Variants in PLXDC2 observed in about 807,000 individuals in gnomAD.
PLXDC2 encodes plexin domain-containing protein 2.
PLXDC2 carries 40 observed loss-of-function variants against 68.9 expected under a neutral mutation model. The observed-to-expected ratio is 0.58, with a 90% CI of 0.45 to 0.76. PLXDC2 has a LOEUF of 0.76. PLXDC2 is among the 30% of genes least tolerant of loss of function. The pLI, the probability that PLXDC2 is intolerant of heterozygous loss-of-function variation, is 0.00. For missense variants in PLXDC2, 644 were observed against 661.9 expected, an observed-to-expected ratio of 0.97 and a Z score of 0.30; for synonymous variants, 243 against 234.2, an observed-to-expected ratio of 1.04 and a Z score of -0.34.
At chr10:20,202,620 A>G (rs1472937169) in intron 9 of PLXDC2, among the ~76,000 whole-genome samples, 1 of 152,180 alleles carries the variant, frequency 6.6e-6, no homozygotes, top group Non-Finnish European at 1.5e-5. Context: ...AGCATCACTT[A>G]AGAAGTTACA....
At chr10:19,866,054 A>T (rs1837409408) in intron 1 of PLXDC2, among the ~76,000 whole-genome samples, 1 of 152,230 alleles carries the variant, frequency 6.6e-6, no homozygotes, top group Admixed American at 6.5e-5. Flanking sequence ...GATACATTGC[A>T]AAAAAATTAT....
At chr10:20,270,665 C>A (rs1835926469) in intron 13 of PLXDC2, among the ~76,000 whole-genome samples, 1 of 152,020 alleles carries the variant, frequency 6.6e-6, no homozygotes, top group African/African-American at 2.4e-5. Context: ...CTGCCTCAAA[C>A]TCCCAATTAG....
intron 1 of PLXDC2, among the ~76,000 whole-genome samples, chr10:19,972,503 T>C (rs1264908184): frequency 6.6e-6 from 1 of 152,194 alleles, no homozygotes; most frequent in Admixed American, 6.5e-5. Flanking sequence ...CTGTGTTCAC[T>C]ACCTGGGTGA....
At chr10:20,119,714 G>A (rs1047080446) in intron 4 of PLXDC2, among the ~76,000 whole-genome samples, 1 of 152,124 alleles carries the variant, frequency 6.6e-6, no homozygotes, top group Non-Finnish European at 1.5e-5. Context: ...TGTTTCTCAG[G>A]GCTGCTTCGA....
intron 1 of PLXDC2, among the ~76,000 whole-genome samples, chr10:19,861,096 A>G (rs1013294964): frequency 2.7e-5 from 4 of 150,146 alleles, no homozygotes; most frequent in African/African-American, 9.8e-5. Context: ...GTACAGTGGC[A>G]TGATCTCGGC....
At chr10:19,817,294 C>A in intron 1 of PLXDC2, 103 bp downstream of exon 1, 1 of 934,432 alleles carries the variant, frequency 1.1e-6, no homozygotes, top group Non-Finnish European at 1.6e-6. Flanking sequence ...CCTATCTGCC[C>A]TTGGGAAACT....
intron 9 of PLXDC2, among the ~76,000 whole-genome samples, chr10:20,196,742 T>C (rs1340150549): frequency 6.6e-6 from 1 of 152,208 alleles, no homozygotes; most frequent in Non-Finnish European, 1.5e-5. Flanking sequence ...GTCAAGTTGA[T>C]GTGAAAATTG....
At chr10:20,158,501 C>CAAAAAAAAAAAA (rs59079629) in intron 6 of PLXDC2, among the ~76,000 whole-genome samples, 8 of 118,742 alleles carry the variant, frequency 6.7e-5, no homozygotes, top group African/African-American at 2.2e-4. Context: ...TCTGTCTCTG[C>CAAAAAAAAAAAA]AAAAAAAAAA....
At chr10:19,832,480 T>C (rs2131310419) in intron 1 of PLXDC2, among the ~76,000 whole-genome samples, 1 of 152,382 alleles carries the variant, frequency 6.6e-6, no homozygotes, top group Admixed American at 6.5e-5. Context: ...ATGATACATG[T>C]TACACATGTC....
At chr10:20,072,483 AAGAAAGAAAG>A (rs1377626894) in intron 4 of PLXDC2, among the ~76,000 whole-genome samples, 1 of 120,194 alleles carries the variant, frequency 8.3e-6, no homozygotes, top group Admixed American at 8.5e-5. Context: ...AGAAGGAACA[AAGAAAGAAAG>A]AGAAAGAAAG....
At chr10:20,103,557 T>C (rs1157388310) in intron 4 of PLXDC2, among the ~76,000 whole-genome samples, 1 of 151,194 alleles carries the variant, frequency 6.6e-6, no homozygotes, top group Admixed American at 6.6e-5. Context: ...GCATCATAGC[T>C]GGAAGAGATG....
chr10:20,102,887 A>C (rs1833441279), intron 4 of PLXDC2, among the ~76,000 whole-genome samples: 1 of 152,214 alleles, frequency 6.6e-6, no homozygotes, highest in Admixed American at 6.5e-5. Flanking sequence ...GAGTATAGGC[A>C]GCTAGAGAAG....
chr10:20,071,237 A>C (rs1589614923), intron 4 of PLXDC2: 1 of 152,198 alleles, frequency 6.6e-6, no homozygotes, highest in African/African-American at 2.4e-5. Context: ...TCATTCAATC[A>C]GTGTTTCTTG....
chr10:19,817,092 C>A lies in PLXDC2; in HGVS notation c.13C>A (p.Pro5Thr). 6.4e-7 allele frequency: 1 copy of A among 1,554,906 alleles called. No homozygotes were observed. The highest frequency in any genetic ancestry group is 8.7e-7 in the Non-Finnish European group (1 of 1,148,678). The change falls in exon 1 of 14, where the codon CCG (proline) becomes ACG (threonine). Residue 5 changes from proline (P) to threonine (T), a missense_variant. Physicochemically the swap from Pro to Thr is conservative, Grantham distance 38. Around this residue, in one of 3 missense-constraint regions of PLXDC2, gnomAD observed 201 missense variants for 166.9 expected, o/e 1.20. Transcript: ENST00000377252. ...TGGCGGCGGCGGCATGGCGAGGTTC[C>A]CGAAGGCCGACCTGGCCGCTGCAGG... MARF[P>T]KADLAAAGVM...
rs535413095 is a variant in PLXDC2 at position 19,970,987 on chromosome 10, A to G, written c.113-30788A>G. Among the ~76,000 whole-genome samples the G allele has an allele frequency of 5.3e-5, 8 of 152,276 alleles. No individual in the cohort carries two copies. In the South Asian group the frequency reaches 1.7e-3, roughly 32 times the overall value. On this transcript the variant is annotated intron_variant, in intron 1 of 13. Coordinates refer to ENST00000377252, the MANE Select transcript of PLXDC2 (RefSeq NM_032812.9). ...TTGGCTTGGATCTAAAAAGCATAAA[A>G]TCCCATGGGTAGGTAAAGATGAAAC...
At chr10:19,943,969 G>T (rs1225292163) in intron 1 of PLXDC2, among the ~76,000 whole-genome samples, 1 of 152,114 alleles carries the variant, frequency 6.6e-6, no homozygotes, top group East Asian at 1.9e-4. Flanking sequence ...AAATGGCTTG[G>T]TATTAATTCT....
chr10:19,998,447 T>C (rs1190654733), intron 1 of PLXDC2, among the ~76,000 whole-genome samples: 1 of 152,182 alleles, frequency 6.6e-6, no homozygotes, highest in Non-Finnish European at 1.5e-5. Context: ...ACTACTGAAT[T>C]ATGAACATAT....
chr10:20,287,367 T>C lies in PLXDC2; in HGVS notation c.*7548T>C, dbSNP rs1418795718. The C allele has an allele frequency of 6.6e-6, 1 of 152,174 alleles. No homozygotes were observed. Among genetic ancestry groups the C allele is most frequent in the Non-Finnish European group, 1.5e-5 (1 of 68,040 alleles). The allele number at this position is 152,174 out of a possible 1,614,324, so 9.4% of individuals were successfully genotyped here. ...AAGGCAAAAAAATCAATAAAATAAT[T>C]TTCCTGAGGAAAGGTTAAGAGATGG... On this transcript the variant is annotated 3_prime_UTR_variant, in exon 14 of 14. Coordinates refer to ENST00000377252, the MANE Select transcript of PLXDC2 (RefSeq NM_032812.9).
chr10:20,283,868 C>T lies in PLXDC2; in HGVS notation c.*4049C>T, dbSNP rs569640576. On this transcript the variant is annotated 3_prime_UTR_variant, in exon 14 of 14. Transcript: ENST00000377252. Reference sequence around the variant, plus strand: ...TTGGAACTTAATGTAAACCTTTGCACATGCAGACTATATAAAGGGAATAAA... The same window carrying T: ...TTGGAACTTAATGTAAACCTTTGCATATGCAGACTATATAAAGGGAATAAA... 8.5e-5 allele frequency: 13 copies of T among 152,304 alleles called. No individual in the cohort carries two copies. The South Asian group carries it at 2.7e-3, about 32-fold the overall frequency. The allele number at this position is 152,304 out of a possible 1,614,324, so 9.4% of individuals were successfully genotyped here. A position where few individuals can be genotyped will look rare whatever the true frequency, so the allele number is the denominator to read the frequency against.
Sources: gnomAD v4.1 joint callset for allele counts (sites outside exome capture counted in the v4.1 genomes callset) on GRCh38, gnomAD v4.1.1 for gene constraint, gnomAD v4.1.1 regional missense constraint, MANE v1.5 for transcripts, NCBI Gene and HGNC (gene_info 2026-07-23, HGNC 2026-07-21) for gene names.